The following TTC23L variants were observed in gnomAD, a reference collection of about 807,000 sequenced individuals.
TTC23L encodes the protein tetratricopeptide repeat domain 23 like.
TTC23L carries 42 observed loss-of-function variants against 48.1 expected under a neutral mutation model. That is an observed-to-expected ratio of 0.87 (90% confidence interval 0.68 to 1.13). The LOEUF is 1.13. TTC23L is among the 50% of genes most tolerant of loss of function. The pLI, the probability that TTC23L is intolerant of heterozygous loss-of-function variation, is 0.00. For missense variants in TTC23L, 391 were observed against 421.0 expected (o/e 0.93, Z 0.62); for synonymous variants, 159 against 157.2 (o/e 1.01, Z -0.09).
At chr5:34,840,475 C>T (rs559078890) in intron 1 of TTC23L, among the ~76,000 whole-genome samples, 190 bp from the exon 2 acceptor site, 4 of 152,286 alleles carry the variant, frequency 2.6e-5, no homozygotes, top group African/African-American at 4.8e-5. Context: ...AGAAATTTAA[C>T]TTAGACATTT....
chr5:34,914,454 C>T, the TTC23L span: 1 of 519,472 alleles, frequency 1.9e-6, no homozygotes, highest in African/African-American at 1.9e-5. Context: ...TTAGTCATTA[C>T]TAACCATTAT....
chr5:34,881,926 G>A lies in TTC23L; in HGVS notation c.1077+1618G>A, dbSNP rs987845060. ...ATTACAGGCGCCCACCACTACACCC[G>A]GCTAATTTTTGTAGAAACGGGGTTT... is the stretch of plus-strand genomic sequence containing the variant. On this transcript the variant is annotated intron_variant, in intron 9 of 10. Coordinates refer to ENST00000505624, the Ensembl canonical transcript of TTC23L. Among the ~76,000 whole-genome samples the A allele has an allele frequency of 5.3e-5, 8 of 151,840 alleles. No individual in the cohort carries two copies. In the East Asian group the frequency reaches 9.7e-4, roughly 18 times the overall value.
At chr5:34,892,681 C>T (rs1202699601) in intron 9 of TTC23L, among the ~76,000 whole-genome samples, 2 of 151,988 alleles carry the variant, frequency 1.3e-5, no homozygotes, top group East Asian at 1.9e-4. Context: ...GCAGGTTCTT[C>T]GAAGAAAAGT....
At chr5:34,876,469 T>C (rs1359937876) in intron 8 of TTC23L, among the ~76,000 whole-genome samples, 1 of 152,124 alleles carries the variant, frequency 6.6e-6, no homozygotes, top group Admixed American at 6.5e-5. Context: ...TAAAGGAATA[T>C]TATGAAAAAC....
chr5:34,885,835 T>C (rs538165865), intron 9 of TTC23L, among the ~76,000 whole-genome samples: 1 of 152,198 alleles, frequency 6.6e-6, no homozygotes, highest in South Asian at 2.1e-4. Context: ...TATGCATGTA[T>C]ATTTATATAT....
chr5:34,910,879 C>G, the TTC23L span, among the ~76,000 whole-genome samples: 11 of 152,188 alleles, frequency 7.2e-5, no homozygotes, highest in Non-Finnish European at 1.6e-4. Context: ...TGAGTCTAAT[C>G]CTGAAAAGAG....
At chr5:34,881,135 C>G (rs967233115) in intron 9 of TTC23L, among the ~76,000 whole-genome samples, 1 of 152,126 alleles carries the variant, frequency 6.6e-6, no homozygotes, top group Non-Finnish European at 1.5e-5. Context: ...TTTCTTGTAT[C>G]TTGATACATG....
chr5:34,901,096 T>C (rs142663647), downstream of TTC23L, among the ~76,000 whole-genome samples: 237 of 152,360 alleles, frequency 1.6e-3, no homozygotes, highest in African/African-American at 5.5e-3. Flanking sequence ...GATTTGTGCA[T>C]ATTTTGTAGT....
chr5:34,839,237 A>G (rs1758373233), exon 1 of TTC23L: 1 of 152,644 alleles, frequency 6.6e-6, no homozygotes, highest in Admixed American at 6.5e-5. Flanking sequence ...TTCGCGAGGC[A>G]CCGCTTTGGC....
At chr5:34,907,148 A>C in the TTC23L span, 1 of 152,232 alleles carries the variant, frequency 6.6e-6, no homozygotes, top group African/African-American at 2.4e-5. Context: ...CTTGCAGCAC[A>C]CTTTGCTGTA....
At chr5:34,916,065 A>C in the TTC23L span, 1 of 741,568 alleles carries the variant, frequency 1.3e-6, no homozygotes, top group Non-Finnish European at 2.0e-6. Context: ...TTTGCAGCTA[A>C]TCCTTGTGCA....
chr5:34,846,700 T>C (rs1404285453), intron 3 of TTC23L, among the ~76,000 whole-genome samples: 1 of 128,938 alleles, frequency 7.8e-6, no homozygotes, highest in Non-Finnish European at 1.7e-5. Flanking sequence ...TGTGTGTGTG[T>C]GTGTGTGTAT....
chr5:34,844,224 C>G lies in TTC23L; in HGVS notation c.69-1263C>G, dbSNP rs143503590. Among the ~76,000 whole-genome samples the G allele has an allele frequency of 7.7e-4, 117 of 152,296 alleles. No homozygotes were observed. In the East Asian group the frequency reaches 0.02, roughly 26 times the overall value. ...AATTAGCTTGTCTACTGAAAGCACA[C>G]TCGTCTGTGGGCAGAAGGCAAGCCT... On this transcript the variant is annotated intron_variant, in intron 2 of 10. Coordinates refer to ENST00000505624, the Ensembl canonical transcript of TTC23L.
intron 9 of TTC23L, among the ~76,000 whole-genome samples, chr5:34,895,859 C>T (rs1458082130): frequency 1.3e-5 from 2 of 152,150 alleles, no homozygotes; most frequent in Non-Finnish European, 2.9e-5. Context: ...AATGTATGTT[C>T]CATAAGCTGG....
chr5:34,866,821 A>G (rs1164546647), intron 6 of TTC23L, 71 bp from the exon 7 acceptor site: 2 of 1,406,328 alleles, frequency 1.4e-6, no homozygotes, highest in Non-Finnish European at 1.9e-6. Flanking sequence ...AATTCTTGGA[A>G]TCAGTTCCTT....
chr5:34,914,727 C>T, the TTC23L span: 2 of 1,614,226 alleles, frequency 1.2e-6, no homozygotes, highest in Admixed American at 3.3e-5. Context: ...ACACACTTTG[C>T]ATTTTCCACT....
the TTC23L span, chr5:34,924,735 G>C: frequency 1.6e-6 from 1 of 635,476 alleles, no homozygotes. Flanking sequence ...CCCCCACCTT[G>C]ATTTTATGGA....
chr5:34,896,683 C>G, intron 9 of TTC23L, 87 bp from the exon 10 acceptor site: 1 of 730,314 alleles, frequency 1.4e-6, no homozygotes, highest in Non-Finnish European at 2.6e-6. Context: ...TCTGGAATAG[C>G]ATTCTCAGTG....
chr5:34,914,852 T>G, the TTC23L span: 2 of 1,614,178 alleles, frequency 1.2e-6, no homozygotes, highest in Non-Finnish European at 1.7e-6. Context: ...AAGGCTGTAC[T>G]GATCATCCTC....
Sources: gnomAD v4.1 joint callset for allele counts (sites outside exome capture counted in the v4.1 genomes callset) on GRCh38, gnomAD v4.1.1 for gene constraint, MANE v1.5 for transcripts, NCBI Gene and HGNC (gene_info 2026-07-23, HGNC 2026-07-21) for gene names.